COL3A1: variants seen among roughly 807,000 people sequenced by gnomAD.
COL3A1 encodes collagen type III alpha 1 chain.
COL3A1 carries 46 observed loss-of-function variants against 200.9 expected under a neutral mutation model. The ratio of observed to expected loss-of-function variants is 0.23; its 90% confidence interval spans 0.18 to 0.29. COL3A1 has a LOEUF of 0.29. Among genes scored for constraint, COL3A1 ranks in the 10% least tolerant of loss-of-function variants. COL3A1 has a pLI of 1.00. For missense variants in COL3A1, 1,367 were observed against 1,917.6 expected, an observed-to-expected ratio of 0.71 and a Z score of 5.36; for synonymous variants, 650 against 628.0, an observed-to-expected ratio of 1.03 and a Z score of -0.52.
chr2:188,985,132 T>A, intron 2 of COL3A1, 65 bp from the exon 3 acceptor site: 1 of 1,513,212 alleles, frequency 6.6e-7, no homozygotes, highest in South Asian at 1.1e-5. Flanking sequence ...TTGGTTAGAA[T>A]CTGGGTTACT....
chr2:188,987,264 TA>T, intron 5 of COL3A1, 125 bp downstream of exon 5: 2 of 787,480 alleles, frequency 2.5e-6, no homozygotes, highest in African/African-American at 1.7e-5. Flanking sequence ...TTACCCCTAC[TA>T]AGGTTGGAAA....
chr2:188,994,935 G>C lies in COL3A1; in HGVS notation c.1455+104G>C, dbSNP rs1688271104. The C allele has an allele frequency of 1.9e-6, 3 of 1,548,110 alleles. No individual in the cohort carries two copies. The highest frequency in any genetic ancestry group is 1.8e-6 in the Non-Finnish European group (2 of 1,120,718). Reference sequence around the variant, plus strand: ...CAATTTTTCTTAAGTTGAGTGTTCAGTGAAAATATTGTTTAAAGCATTCTA... The same window carrying C: ...CAATTTTTCTTAAGTTGAGTGTTCACTGAAAATATTGTTTAAAGCATTCTA... On this transcript the variant is annotated intron_variant, in intron 20 of 50. Coordinates refer to ENST00000304636, the MANE Select transcript of COL3A1 (RefSeq NM_000090.4). This position sits in a 1 kb window ranked among gnomAD's most constrained non-coding sequence, Gnocchi z 4.5.
At chr2:188,993,893 A>G in intron 16 of COL3A1, 145 bp from the exon 17 acceptor site, 1 of 747,018 alleles carries the variant, frequency 1.3e-6, no homozygotes, top group Non-Finnish European at 2.3e-6. Flanking sequence ...ACCACATTTC[A>G]TATGTTGTGT....
Position 188,994,013 on chromosome 2 carries a change from C to A in COL3A1, c.1150-25C>A. On this transcript the variant is annotated intron_variant, in intron 16 of 50. Coordinates refer to ENST00000304636, the MANE Select transcript of COL3A1 (RefSeq NM_000090.4). The surrounding 1 kb of genome is among the most constrained non-coding windows in gnomAD (Gnocchi z 4.5). ...CGAACTATTTGCATTACTATTAATA[C>A]ATTATCTGTTTTTTGTATACTTAGG... is the stretch of plus-strand genomic sequence containing the variant. 6.2e-7 allele frequency: 1 copy of A among 1,607,040 alleles called. No homozygotes were observed. The highest frequency in any genetic ancestry group is 8.5e-7 in the Non-Finnish European group (1 of 1,173,888).
intron 41 of COL3A1, 69 bp from the exon 42 acceptor site, chr2:189,006,137 G>C: frequency 6.6e-7 from 1 of 1,506,224 alleles, no homozygotes; most frequent in Non-Finnish European, 9.2e-7. Flanking sequence ...GCCCTGCTGA[G>C]AATGCATGGA....
rs1688245971 is a variant in COL3A1 at position 188,994,111 on chromosome 2, C to G, written c.1194+29C>G. On this transcript the variant is annotated intron_variant, in intron 17 of 50. Coordinates refer to ENST00000304636, the MANE Select transcript of COL3A1 (RefSeq NM_000090.4). The surrounding 1 kb of genome is among the most constrained non-coding windows in gnomAD (Gnocchi z 4.5). ...AGCTGTCCCCACTCCTCAGCCTTAT[C>G]TCATCCACACATTACTGGCTTCTTT... is the stretch of plus-strand genomic sequence containing the variant. 1.2e-6 allele frequency: 2 copies of G among 1,613,792 alleles called. No individual in the cohort carries two copies. Among genetic ancestry groups the G allele is most frequent in the East Asian group, 4.5e-5 (2 of 44,878 alleles).
rs1217539263 is a variant in COL3A1 at position 188,992,097 on chromosome 2, CACTT to C, written c.952-86_952-83del. On this transcript the variant is annotated intron_variant, in intron 13 of 50. Coordinates refer to ENST00000304636, the MANE Select transcript of COL3A1 (RefSeq NM_000090.4). ...TAATGTACTTGAAGAAAACTCAACT[CACTT>C]GAGTCAGAATTTTGGTCAAAATATT... 4 of 1,287,686 alleles carry C rather than the reference CACTT, an allele frequency of 3.1e-6. No individual in the cohort carries two copies. In the African/African-American group the frequency reaches 4.4e-5, roughly 14 times the overall value. 79.8% of individuals were successfully genotyped at this position (1,287,686 alleles called of 1,614,324 possible). A position where few individuals can be genotyped will look rare whatever the true frequency, so the allele number is the denominator to read the frequency against.
Position 188,994,214 on chromosome 2 carries a change from T to C in COL3A1, c.1195-20T>C. The C allele has an allele frequency of 6.2e-7, 1 of 1,613,404 alleles. No individual in the cohort carries two copies. On this transcript the variant is annotated intron_variant, in intron 17 of 50. Coordinates refer to ENST00000304636, the MANE Select transcript of COL3A1 (RefSeq NM_000090.4). The surrounding 1 kb of genome is among the most constrained non-coding windows in gnomAD (Gnocchi z 4.5). ...GAACATTCAAGTTCGGCTAATATAG[T>C]GTCTTTGGTTTGTTCTTAGGGTCCC...
chr2:189,002,229 ATGACATTTCC>A (rs1224582803), intron 34 of COL3A1, 59 bp from the exon 35 acceptor site: 44 of 1,238,302 alleles, frequency 3.6e-5, no homozygotes, highest in Non-Finnish European at 4.9e-5. Flanking sequence ...AGATGATAAG[ATGACATTTCC>A]TGCCTAAAGG....
intron 24 of COL3A1, 111 bp from the exon 25 acceptor site, chr2:188,997,053 AT>A: frequency 1.4e-6 from 1 of 715,386 alleles, no homozygotes; most frequent in East Asian, 2.7e-5. Context: ...ACATATATAT[AT>A]GAGACATATA....
chr2:188,988,771 A>G (rs1688115879), intron 7 of COL3A1, 128 bp downstream of exon 7: 3 of 672,670 alleles, frequency 4.5e-6, no homozygotes, highest in Non-Finnish European at 7.8e-6. Flanking sequence ...GTAAATAACG[A>G]ATAGCATTTT....
chr2:188,997,168 G>A lies in COL3A1; in HGVS notation c.1765G>A (p.Ala589Thr), dbSNP rs1327158014. 6.2e-7 allele frequency: 1 copy of A among 1,613,906 alleles called. No individual in the cohort carries two copies. Among genetic ancestry groups the A allele is most frequent in the Non-Finnish European group, 8.5e-7 (1 of 1,179,964 alleles). Reference sequence around the variant, plus strand: ...ATACCGACCACTTCTTCTTTAGGGTGCTCCTGGTAAGAATGGAGAACGAGG... The same window carrying A: ...ATACCGACCACTTCTTCTTTAGGGTACTCCTGGTAAGAATGGAGAACGAGG... ...GFPGPKGNDG[A>T]PGKNGERGGP... Residue 589 changes from alanine (A) to threonine (T), a missense_variant, in exon 25 of 51, where the codon GCT becomes ACT. Around this residue, in one of 5 missense-constraint regions of COL3A1, gnomAD observed 846 missense variants for 1,147.9 expected, o/e 0.74. Transcript: ENST00000304636.
At chr2:188,999,415 T>A in intron 30 of COL3A1, 32 bp downstream of exon 30, 1 of 1,613,840 alleles carries the variant, frequency 6.2e-7, no homozygotes. Flanking sequence ...CACCTAGGTT[T>A]AAAAAATGCA....
At position 188,999,501 on chromosome 2, in the gene COL3A1, C is replaced by T. The variant is rs769458760; in HGVS notation, c.2153C>T (p.Ala718Val). ...GCTGGTCCTCCTGGGCCACCTGGTG[C>T]TGCTGGTACTCCTGGTCTGCAAGGA... is the stretch of plus-strand genomic sequence containing the variant. ...GAAGPPGPPG[A>V]AGTPGLQGMP... is the part of the protein sequence containing the mutation. Residue 718 changes from alanine to valine, a missense_variant, in exon 31 of 51, where the codon GCT becomes GTT. Around this residue, in one of 5 missense-constraint regions of COL3A1, gnomAD observed 846 missense variants for 1,147.9 expected, o/e 0.74. Coordinates refer to ENST00000304636, the MANE Select transcript of COL3A1 (RefSeq NM_000090.4). 3.1e-6 allele frequency: 5 copies of T among 1,614,140 alleles called. No homozygotes were observed. Among genetic ancestry groups the T allele is most frequent in the East Asian group, 4.5e-5 (2 of 44,876 alleles).
chr2:189,005,663 G>A (rs530568243), intron 41 of COL3A1: 8 of 640,818 alleles, frequency 1.2e-5, no homozygotes, highest in Non-Finnish European at 2.3e-5. Context: ...ATAATCATTT[G>A]TGGAGAAAAT....
chr2:188,998,223 C>T (rs1455504947), intron 27 of COL3A1, 43 bp from the exon 28 acceptor site: 1 of 1,556,418 alleles, frequency 6.4e-7, no homozygotes, highest in African/African-American at 1.4e-5. Context: ...TTCTATAAGC[C>T]ATGTTTGAGG....
chr2:189,004,511 A>G (rs1434565543), intron 40 of COL3A1, 147 bp downstream of exon 40: 2 of 705,540 alleles, frequency 2.8e-6, no homozygotes, highest in East Asian at 2.7e-5. Flanking sequence ...TTTTAAAAGC[A>G]TAAATTTTAA....
chr2:189,010,228 GTA>G lies in COL3A1; in HGVS notation c.3876_3877del (p.Phe1293LeufsTer2). 6.2e-7 allele frequency: 1 copy of G among 1,614,122 alleles called. No individual in the cohort carries two copies. Among genetic ancestry groups the G allele is most frequent in the Non-Finnish European group, 8.5e-7 (1 of 1,180,010 alleles). On this transcript the variant is annotated frameshift_variant, in exon 49 of 51. Transcript: ENST00000304636. LOFTEE classifies it high-confidence loss of function. ...NQGCKLDAIK[V>X]FCNMETGETC... ...AGGATGCAAATTGGATGCTATCAAG[GTA>G]TTCTGTAATATGGAAACTGGGGAAA...
In COL3A1 at chr2:188,995,008, T is replaced by C. The variant is rs1210670527; in HGVS notation, c.1456-38T>C. 12 of 1,608,712 alleles carry C rather than the reference T, an allele frequency of 7.5e-6. No individual in the cohort carries two copies. In the Admixed American group the frequency reaches 2.0e-4, roughly 27 times the overall value. On this transcript the variant is annotated intron_variant, in intron 20 of 50. Coordinates refer to ENST00000304636, the MANE Select transcript of COL3A1 (RefSeq NM_000090.4). ...CAAGAATTATGAAAAAGAATTGAAA[T>C]CCTTTGGACTGAAATACTTGTCTTT...
Sources: gnomAD v4.1 joint callset for allele counts on GRCh38, gnomAD v4.1.1 for gene constraint, gnomAD v4.1.1 regional missense constraint, Gnocchi (gnomAD v3.1) non-coding constraint, MANE v1.5 for transcripts, NCBI Gene and HGNC (gene_info 2026-07-23, HGNC 2026-07-21) for gene names.